The following CCPG1 variants were observed in gnomAD, a reference collection of about 807,000 sequenced individuals.
CCPG1 encodes cell cycle progression 1, also known as cell cycle progression protein 1.
A neutral mutation model predicts 81.3 loss-of-function variants in CCPG1; 46 were observed. That is an observed-to-expected ratio of 0.57 (90% CI 0.45 to 0.72). The LOEUF (loss-of-function observed/expected upper bound fraction) is 0.72, where lower values mean the gene tolerates loss of function less well. Among genes scored for constraint, CCPG1 ranks in the 30% least tolerant of loss-of-function variants. The pLI, the probability that CCPG1 is intolerant of heterozygous loss-of-function variation, is 0.00. For missense variants in CCPG1, 902 were observed against 937.6 expected (o/e 0.96, Z 0.50); for synonymous variants, 330 against 305.2 (o/e 1.08, Z -0.85).
At chr15:55,394,690 C>T (rs536351592) in intron 1 of CCPG1, among the ~76,000 whole-genome samples, 1 of 152,096 alleles carries the variant, frequency 6.6e-6, no homozygotes, top group African/African-American at 2.4e-5. Flanking sequence ...TTTATGGTTT[C>T]TCTGAATAAA....
chr15:55,405,460 T>C (rs973368073), intron 1 of CCPG1, among the ~76,000 whole-genome samples: 3 of 152,002 alleles, frequency 2.0e-5, no homozygotes, highest in South Asian at 2.1e-4. Context: ...TCAGCTTGAA[T>C]CACACTGTAA....
At chr15:55,390,999 A>T (rs553497752) in intron 1 of CCPG1, among the ~76,000 whole-genome samples, 96 of 152,170 alleles carry the variant, frequency 6.3e-4, no homozygotes, top group African/African-American at 2.3e-3. Flanking sequence ...GGTAAAATAA[A>T]TTTTTTCTGT....
At chr15:55,399,493 G>A (rs2057086291) in intron 1 of CCPG1, among the ~76,000 whole-genome samples, 1 of 151,770 alleles carries the variant, frequency 6.6e-6, no homozygotes, top group African/African-American at 2.4e-5. Flanking sequence ...GGAGGCTGAG[G>A]CAGAAGAATG....
chr15:55,358,641 C>T, intron 8 of CCPG1: 1 of 985,414 alleles, frequency 1.0e-6, no homozygotes. Context: ...CAAAGGCCAC[C>T]TCACTCAAGA....
intron 4 of CCPG1, 63 bp downstream of exon 4, chr15:55,378,237 G>A: frequency 1.0e-6 from 1 of 981,884 alleles, no homozygotes; most frequent in Non-Finnish European, 1.6e-6. Context: ...AGAATTAGAG[G>A]CTTTAAATAG....
chr15:55,378,005 C>T (rs1306853585), intron 4 of CCPG1, among the ~76,000 whole-genome samples: 2 of 152,052 alleles, frequency 1.3e-5, no homozygotes, highest in African/African-American at 4.8e-5. Flanking sequence ...AGGTTGTTAC[C>T]AAATTTTAAA....
chr15:55,387,665 C>T (rs1440482900), intron 2 of CCPG1, among the ~76,000 whole-genome samples: 1 of 151,718 alleles, frequency 6.6e-6, no homozygotes, highest in Non-Finnish European at 1.5e-5. Context: ...CTGCCTCAAC[C>T]TCCCAAATAG....
At chr15:55,374,612 A>G (rs1299852014) in intron 5 of CCPG1, among the ~76,000 whole-genome samples, 1 of 152,172 alleles carries the variant, frequency 6.6e-6, no homozygotes, top group African/African-American at 2.4e-5. Context: ...TTAACAAACT[A>G]AAAGGGAAAA....
chr15:55,379,161 C>CGTGTGTGTGTGTGTGTGTGTGTGTGTGT (rs57640801), intron 3 of CCPG1, among the ~76,000 whole-genome samples: 5 of 134,682 alleles, frequency 3.7e-5, no homozygotes, highest in Non-Finnish European at 6.2e-5. Flanking sequence ...TGTATATGTA[C>CGTGTGTGTGTGTGTGTGTGTGTGTGTGT]GTGTGTGTGT....
At chr15:55,365,419 G>GTTTTTTTTTTTTGTTTTTTT (rs2056304185) in intron 6 of CCPG1, 110 bp from the exon 7 acceptor site, 1 of 446,368 alleles carries the variant, frequency 2.2e-6, no homozygotes, top group Non-Finnish European at 3.6e-6. Context: ...TCTTTTTTTT[G>GTTTTTTTTTTTTGTTTTTTT]TTTTTTTTTT....
At chr15:55,368,140 A>C (rs1437921641) in intron 6 of CCPG1, among the ~76,000 whole-genome samples, 1 of 152,170 alleles carries the variant, frequency 6.6e-6, no homozygotes, top group African/African-American at 2.4e-5. Context: ...GTCCGCAGTC[A>C]AGGGACTTTA....
chr15:55,386,113 G>T (rs1480755724), intron 2 of CCPG1, among the ~76,000 whole-genome samples: 3 of 151,956 alleles, frequency 2.0e-5, no homozygotes, highest in Non-Finnish European at 4.4e-5. Flanking sequence ...AATCTGGCTG[G>T]GCACGGTGGC....
chr15:55,399,614 T>C (rs1243895381), intron 1 of CCPG1, among the ~76,000 whole-genome samples: 2 of 151,732 alleles, frequency 1.3e-5, no homozygotes, highest in Admixed American at 1.3e-4. Flanking sequence ...ATCTAAAATA[T>C]CAAAATGAAA....
chr15:55,388,185 C>G (rs2056842245), intron 2 of CCPG1, among the ~76,000 whole-genome samples: 2 of 151,886 alleles, frequency 1.3e-5, no homozygotes, highest in African/African-American at 4.8e-5. Context: ...AAAAAGAAAA[C>G]AAGTGAGGCT....
intron 6 of CCPG1, among the ~76,000 whole-genome samples, chr15:55,370,940 G>A (rs913925405): frequency 2.0e-4 from 30 of 150,030 alleles, no homozygotes; most frequent in Non-Finnish European, 4.1e-4. Context: ...GCAAAACCCC[G>A]TCTCTACTAC....
intron 8 of CCPG1, chr15:55,359,116 T>C (rs1016023162): frequency 3.1e-6 from 3 of 983,362 alleles, no homozygotes; most frequent in Non-Finnish European, 3.6e-6. Flanking sequence ...AGAATTATTA[T>C]ATATGAGCTC....
chr15:55,403,220 C>A lies in CCPG1; in HGVS notation c.-10+5001G>T, dbSNP rs545598071. ...TTCACAAATACCCCCATAAAGGCAG[C>A]TTGCTATTATTTACAAATTCCAAAT... is the stretch of plus-strand genomic sequence containing the variant. On this transcript the variant is annotated intron_variant, in intron 1 of 8. Transcript: ENST00000442196. 2.6e-5 allele frequency among the ~76,000 whole-genome samples: 4 copies of A among 152,264 alleles called. No homozygotes were observed. The South Asian group carries it at 8.3e-4, about 32-fold the overall frequency.
chr15:55,382,701 G>A (rs894012184), intron 3 of CCPG1, among the ~76,000 whole-genome samples: 2 of 151,940 alleles, frequency 1.3e-5, no homozygotes, highest in African/African-American at 4.8e-5. Flanking sequence ...AGTAGAGATG[G>A]GATTTCACCG....
chr15:55,355,516 G>T lies in CCPG1; in HGVS notation c.*704C>A. 8.8e-7 allele frequency: 1 copy of T among 1,135,908 alleles called. No individual in the cohort carries two copies. 70.4% of individuals were successfully genotyped at this position (1,135,908 alleles called of 1,614,324 possible). A position where few individuals can be genotyped will look rare whatever the true frequency, so the allele number is the denominator to read the frequency against. On this transcript the variant is annotated 3_prime_UTR_variant, in exon 9 of 9. Coordinates refer to ENST00000442196, the MANE Select transcript of CCPG1 (RefSeq NM_001204450.2). ...TCGGTAAACACTGGGTAAGATTCAT[G>T]GAACTTAGAAAAAAGCTGTATGAAC...
Sources: allele counts gnomAD v4.1 joint callset (sites outside exome capture counted in the v4.1 genomes callset), GRCh38; gene constraint gnomAD v4.1.1; transcripts MANE v1.5; gene names NCBI Gene and HGNC (gene_info 2026-07-23, HGNC 2026-07-21).